The following FAM107A variants were observed in gnomAD, a reference collection of about 807,000 sequenced individuals.
FAM107A encodes family with sequence similarity 107 member A.
FAM107A carries 19 observed loss-of-function variants against 13.7 expected under a neutral mutation model. That is an observed-to-expected ratio of 1.38 (90% CI 0.97 to 2.03). FAM107A has a LOEUF of 2.03. Among genes scored for constraint, FAM107A ranks in the 30% most tolerant of loss-of-function variants. The probability of loss-of-function intolerance (pLI) is 0.00; values close to 1 mark genes in which losing one functional copy is unlikely to be tolerated. For synonymous variants in FAM107A, 82 were observed against 74.5 expected (o/e 1.10, Z -0.52); for missense variants, 203 against 184.4 (o/e 1.10, Z -0.58).
At chr3:58,618,749 C>T (rs1249498171) in intron 1 of FAM107A, among the ~76,000 whole-genome samples, 1 of 151,598 alleles carries the variant, frequency 6.6e-6, no homozygotes, top group Non-Finnish European at 1.5e-5. Flanking sequence ...CTTAGAACAT[C>T]TGGGAGTGAA....
chr3:58,603,319 G>A (rs1442499116), intron 1 of FAM107A, among the ~76,000 whole-genome samples: 2 of 152,168 alleles, frequency 1.3e-5, no homozygotes, highest in Admixed American at 6.5e-5. Flanking sequence ...CACCTACTAT[G>A]TGCCAGGCAT....
intron 1 of FAM107A, among the ~76,000 whole-genome samples, chr3:58,582,925 A>G (rs532497434): frequency 6.6e-6 from 1 of 152,234 alleles, no homozygotes; most frequent in South Asian, 2.1e-4. Flanking sequence ...CAGCCTCCCG[A>G]GTAGCTGGCA....
At chr3:58,611,473 A>G (rs2065853478) in intron 1 of FAM107A, among the ~76,000 whole-genome samples, 1 of 152,248 alleles carries the variant, frequency 6.6e-6, no homozygotes, top group Non-Finnish European at 1.5e-5. Context: ...AATCAGGCAG[A>G]TACTCTTGAT....
intron 1 of FAM107A, among the ~76,000 whole-genome samples, chr3:58,621,034 T>C (rs1209214074): frequency 1.3e-5 from 2 of 152,088 alleles, no homozygotes; most frequent in Non-Finnish European, 2.9e-5. Flanking sequence ...GCCCAGGCCA[T>C]TCTGAAGGTG....
upstream of FAM107A, among the ~76,000 whole-genome samples, chr3:58,590,189 C>T (rs972264570): frequency 6.6e-6 from 1 of 152,206 alleles, no homozygotes; most frequent in East Asian, 1.9e-4. Flanking sequence ...TCACCATGGC[C>T]CAAACAGAAC....
At chr3:58,589,142 T>C (rs1053547694), upstream of FAM107A, 2 of 1,073,240 alleles carry the variant, frequency 1.9e-6, no homozygotes, top group African/African-American at 3.1e-5. Context: ...GGGATGTACT[T>C]TTGTGGAGTA....
At chr3:58,612,098 A>G (rs1247060565) in intron 1 of FAM107A, among the ~76,000 whole-genome samples, 1 of 152,108 alleles carries the variant, frequency 6.6e-6, no homozygotes, top group East Asian at 1.9e-4. Context: ...AGCATTTTGC[A>G]TCCAACTTCA....
chr3:58,568,420 G>A (rs567712894), intron 2 of FAM107A, among the ~76,000 whole-genome samples: 1 of 151,726 alleles, frequency 6.6e-6, no homozygotes, highest in East Asian at 2.0e-4. Context: ...GGGCGACAGA[G>A]CGAGACTTCA....
chr3:58,580,000 A>G (rs962111822), upstream of FAM107A, among the ~76,000 whole-genome samples: 3 of 152,204 alleles, frequency 2.0e-5, no homozygotes, highest in Non-Finnish European at 2.9e-5. Context: ...AAACCTTGAC[A>G]GCGCTGAGCT....
rs1056455914 is a variant in FAM107A, at chr3:58,617,484, T to G, written c.-70+9932A>C. The stretch of plus-strand genomic sequence containing the variant: ...GTGGCAGCCTCTGTCATCTTAGATT[T>G]TAGATGAAAAAGAAAGTTCCAGCTC... On this transcript the variant is annotated intron_variant, in intron 1 of 3. Transcript: ENST00000465970. This position sits in a 1 kb window ranked among gnomAD's most constrained non-coding sequence, Gnocchi z 4.5. 6.6e-6 allele frequency among the ~76,000 whole-genome samples: 1 copy of G among 152,014 alleles called. No homozygotes were observed. Among genetic ancestry groups the G allele is most frequent in the African/African-American group, 2.4e-5 (1 of 41,390 alleles).
chr3:58,612,311 G>A (rs187854884), intron 1 of FAM107A, among the ~76,000 whole-genome samples: 1 of 152,286 alleles, frequency 6.6e-6, no homozygotes, highest in Non-Finnish European at 1.5e-5. Flanking sequence ...TGGGTGCAGT[G>A]GCTCACACTT....
At chr3:58,587,488 T>A (rs879770865), upstream of FAM107A, among the ~76,000 whole-genome samples, 1,353 of 89,374 alleles carry the variant, frequency 0.015, 9 homozygotes, top group South Asian at 0.074. Flanking sequence ...TGTGTGTGTG[T>A]GTGTGTGTGT....
At chr3:58,610,948 G>A (rs148523075) in intron 1 of FAM107A, among the ~76,000 whole-genome samples, 2 of 152,306 alleles carry the variant, frequency 1.3e-5, no homozygotes, top group Non-Finnish European at 2.9e-5. Context: ...CATGGAAAGG[G>A]ACCTGGCAGG....
In FAM107A at chr3:58,565,525, A is replaced by G. The variant is rs944774703; in HGVS notation, c.*1063T>C. 1.3e-4 allele frequency: 19 copies of G among 142,988 alleles called. No homozygotes were observed. The highest frequency in any genetic ancestry group is 3.9e-4 in the African/African-American group (15 of 38,598). The allele number at this position is 142,988 out of a possible 1,614,324, so 8.9% of individuals were successfully genotyped here. A position where few individuals can be genotyped will look rare whatever the true frequency, so the allele number is the denominator to read the frequency against. ...GAAATGCAGATTGGCAATCATGTAC[A>G]TCTCTGATTAAAACAACACTCACAT... On this transcript the variant is annotated 3_prime_UTR_variant, in exon 4 of 4. Transcript: ENST00000360997.
At chr3:58,598,404 C>T (rs1025370828) in intron 1 of FAM107A, among the ~76,000 whole-genome samples, 10 of 152,150 alleles carry the variant, frequency 6.6e-5, no homozygotes, top group African/African-American at 2.4e-4. Context: ...TCTCCAGGGC[C>T]TTCTCACGCC....
At chr3:58,575,565 C>T (rs976592534) in intron 1 of FAM107A, among the ~76,000 whole-genome samples, 9 of 152,140 alleles carry the variant, frequency 5.9e-5, no homozygotes, top group South Asian at 2.1e-4. Flanking sequence ...GGACCTTGGA[C>T]GCCAAATTCA....
intron 1 of FAM107A, among the ~76,000 whole-genome samples, chr3:58,597,071 T>C (rs2065713249): frequency 6.6e-6 from 1 of 152,232 alleles, no homozygotes; most frequent in African/African-American, 2.4e-5. Flanking sequence ...TTGGTGGCTA[T>C]GTCACAGTTT....
chr3:58,625,517 C>A (rs56223685), intron 1 of FAM107A, among the ~76,000 whole-genome samples: 1,604 of 152,326 alleles, frequency 0.011, 21 homozygotes, highest in African/African-American at 0.029. Context: ...ACCCTCAGAT[C>A]ACACTAAGGC....
upstream of FAM107A, among the ~76,000 whole-genome samples, chr3:58,589,545 G>C (rs1221616238): frequency 6.6e-6 from 1 of 152,134 alleles, no homozygotes; most frequent in Non-Finnish European, 1.5e-5. Flanking sequence ...TTAGGGAAAA[G>C]TTAACAAGAT....
Sources: gnomAD v4.1 joint callset for allele counts (sites outside exome capture counted in the v4.1 genomes callset) on GRCh38, gnomAD v4.1.1 for gene constraint, Gnocchi (gnomAD v3.1) non-coding constraint, MANE v1.5 for transcripts, NCBI Gene and HGNC (gene_info 2026-07-23, HGNC 2026-07-21) for gene names.